The following HIVEP1 variants were observed in gnomAD, a reference collection of about 807,000 sequenced individuals.
HIVEP1 encodes the protein zinc finger protein 40.
Under a neutral mutation model 180.0 loss-of-function variants are expected in HIVEP1, and 36 were observed. The observed-to-expected ratio is 0.20, with a 90% CI of 0.15 to 0.26. The LOEUF (loss-of-function observed/expected upper bound fraction) is 0.26. HIVEP1 is among the 10% of genes least tolerant of loss of function. The pLI, the probability that HIVEP1 is intolerant of heterozygous loss-of-function variation, is 1.00. For missense variants in HIVEP1, 3,143 were observed against 3,268.7 expected (o/e 0.96, Z 0.94); for synonymous variants, 1,239 against 1,239.0 (o/e 1.00, Z 0.00).
the HIVEP1 span, among the ~76,000 whole-genome samples, chr6:12,193,783 G>GC: frequency 6.6e-6 from 1 of 152,176 alleles, no homozygotes; most frequent in Non-Finnish European, 1.5e-5. Context: ...GCATTAATAT[G>GC]CAAGTTATGA....
chr6:12,174,453 T>C, the HIVEP1 span, among the ~76,000 whole-genome samples: 1 of 152,162 alleles, frequency 6.6e-6, no homozygotes, highest in South Asian at 2.1e-4. Flanking sequence ...TCAACCCTCT[T>C]TGATACTTAA....
Position 12,120,373 on chromosome 6 carries a change from A to G in HIVEP1, c.578A>G (p.Asn193Ser). Residue 193 changes from asparagine (N) to serine (S), a missense_variant, in exon 4 of 9, where the codon AAC (asparagine) becomes AGC (serine). Physicochemically the swap from Asn to Ser is conservative, Grantham distance 46. Coordinates refer to ENST00000379388, the MANE Select transcript of HIVEP1 (RefSeq NM_002114.4). ...HCGTTSPSYT[N>S]TAFDVLLKAM... ...GGCACTACGTCCCCCTCCTATACAA[A>G]CACTGCATTCGATGTCTTACTGAAA... is the stretch of plus-strand genomic sequence containing the variant. 6.2e-7 allele frequency: 1 copy of G among 1,614,148 alleles called. No individual in the cohort carries two copies. The highest frequency in any genetic ancestry group is 1.1e-5 in the South Asian group (1 of 91,078).
In HIVEP1 at chr6:12,119,905, G is replaced by T. The variant is rs564671623; in HGVS notation, c.110G>T (p.Gly37Val). The T allele has an allele frequency of 6.4e-7, 1 of 1,563,422 alleles. No homozygotes were observed. The highest frequency in any genetic ancestry group is 1.2e-5 in the South Asian group (1 of 82,066). The change falls in exon 4 of 9, where the codon GGT (glycine) becomes GTT (valine). Residue 37 changes from glycine (G) to valine (V), a missense_variant. Gly to Val is a moderately radical substitution (Grantham distance 109). This residue lies in a region of HIVEP1 where 114 missense variants were observed against 134.5 expected (regional missense o/e 0.85). Coordinates refer to ENST00000379388, the MANE Select transcript of HIVEP1 (RefSeq NM_002114.4). ...EVSKKEILQA[G>V]VKGTSESLKG... ...TTTTTTCCAGAAATCTTACAGGCTG[G>T]TGTTAAAGGAACTTCGGAATCCCTT... is the stretch of plus-strand genomic sequence containing the variant.
At chr6:12,058,021 C>G (rs572221073) in intron 2 of HIVEP1, among the ~76,000 whole-genome samples, 5 of 151,990 alleles carry the variant, frequency 3.3e-5, no homozygotes, top group African/African-American at 1.2e-4. Flanking sequence ...AAAAGAAAAC[C>G]AATTGTGGCT....
chr6:12,032,678 T>A (rs1268419217), intron 2 of HIVEP1, among the ~76,000 whole-genome samples: 1 of 152,190 alleles, frequency 6.6e-6, no homozygotes, highest in Non-Finnish European at 1.5e-5. Flanking sequence ...TAGATAAAAC[T>A]GGTACTTAGT....
At chr6:12,090,735 C>CTTTTTTTTTTTTTT (rs35266647) in intron 3 of HIVEP1, among the ~76,000 whole-genome samples, 1 of 82,470 alleles carries the variant, frequency 1.2e-5, no homozygotes, top group Non-Finnish European at 2.2e-5. Context: ...TATAGCCAGC[C>CTTTTTTTTTTTTTT]TTTTTTTTTT....
intron 7 of HIVEP1, among the ~76,000 whole-genome samples, chr6:12,153,818 C>T (rs1759852655): frequency 6.6e-6 from 1 of 152,042 alleles, no homozygotes; most frequent in African/African-American, 2.4e-5. Context: ...GTTGTGCAAG[C>T]TTATGTGAGA....
chr6:12,019,114 T>C (rs1320708772), intron 2 of HIVEP1, among the ~76,000 whole-genome samples: 1 of 152,182 alleles, frequency 6.6e-6, no homozygotes, highest in Non-Finnish European at 1.5e-5. Flanking sequence ...GTAAGCACAC[T>C]AAAGCCACCT....
At chr6:12,187,147 G>C in the HIVEP1 span, among the ~76,000 whole-genome samples, 1 of 152,048 alleles carries the variant, frequency 6.6e-6, no homozygotes, top group Admixed American at 6.6e-5. Context: ...AGTGGTAATC[G>C]GGGTCATAGA....
At chr6:12,156,165 T>C (rs1760031817) in intron 7 of HIVEP1, among the ~76,000 whole-genome samples, 1 of 151,948 alleles carries the variant, frequency 6.6e-6, no homozygotes, top group Non-Finnish European at 1.5e-5. Flanking sequence ...GTCAGATGGA[T>C]AGATTGTGAA....
intron 2 of HIVEP1, among the ~76,000 whole-genome samples, chr6:12,044,407 G>T (rs1313951302): frequency 6.6e-6 from 1 of 152,156 alleles, no homozygotes; most frequent in Non-Finnish European, 1.5e-5. Flanking sequence ...GGCACCAAAG[G>T]GTACCTTGGG....
intron 2 of HIVEP1, among the ~76,000 whole-genome samples, chr6:12,087,266 CAG>C (rs1446792227): frequency 6.6e-6 from 1 of 152,056 alleles, no homozygotes; most frequent in East Asian, 1.9e-4. Flanking sequence ...GAAGTGCAAA[CAG>C]AAAGTGGCCA....
the HIVEP1 span, among the ~76,000 whole-genome samples, chr6:12,198,407 A>G: frequency 6.6e-6 from 1 of 152,338 alleles, no homozygotes; most frequent in Admixed American, 6.5e-5. Context: ...TAAAGGAGAA[A>G]ATTTGAAGAT....
At chr6:12,135,952 C>G in intron 7 of HIVEP1, 60 bp downstream of exon 7, 1 of 1,072,976 alleles carries the variant, frequency 9.3e-7, no homozygotes, top group Non-Finnish European at 1.4e-6. Context: ...TTTTTTGCTT[C>G]CATACCCTTT....
chr6:12,149,509 C>T (rs1306034843), intron 7 of HIVEP1, among the ~76,000 whole-genome samples: 7 of 152,172 alleles, frequency 4.6e-5, no homozygotes, highest in Non-Finnish European at 8.8e-5. Flanking sequence ...GTCAGTGTTA[C>T]TACAAAGCAC....
At chr6:12,092,977 A>G (rs1250640858) in intron 3 of HIVEP1, among the ~76,000 whole-genome samples, 1 of 152,118 alleles carries the variant, frequency 6.6e-6, no homozygotes, top group African/African-American at 2.4e-5. Flanking sequence ...GGGTGTGATG[A>G]AGTATTTGCC....
intron 1 of HIVEP1, 38 bp from the exon 2 acceptor site, chr6:12,015,488 G>T: frequency 1.5e-6 from 1 of 687,966 alleles, no homozygotes. Flanking sequence ...CTCCTCTGAA[G>T]GTAGTAAAAT....
At chr6:12,043,354 AATTTTTTTTT>A in intron 2 of HIVEP1, among the ~76,000 whole-genome samples, 1 of 140,416 alleles carries the variant, frequency 7.1e-6, no homozygotes, top group East Asian at 2.3e-4. Flanking sequence ...TCTAAGTGAA[AATTTTTTTTT>A]TTTTTTTTTT....
At chr6:12,029,043 C>T (rs1247558255) in intron 2 of HIVEP1, among the ~76,000 whole-genome samples, 9 of 152,164 alleles carry the variant, frequency 5.9e-5, no homozygotes, top group Non-Finnish European at 1.2e-4. Context: ...TACCTTTTAT[C>T]GCTACATAAT....
Sources: gnomAD v4.1 joint callset for allele counts (sites outside exome capture counted in the v4.1 genomes callset) on GRCh38, gnomAD v4.1.1 for gene constraint, gnomAD v4.1.1 regional missense constraint, MANE v1.5 for transcripts, NCBI Gene and HGNC (gene_info 2026-07-23, HGNC 2026-07-21) for gene names.